Variants in ELF1 observed in about 807,000 individuals in gnomAD.
ELF1 encodes E74 like ETS transcription factor 1.
ELF1 carries 24 observed loss-of-function variants against 59.9 expected under a neutral mutation model. The ratio of observed to expected loss-of-function variants is 0.40; its 90% CI spans 0.29 to 0.56. The LOEUF (loss-of-function observed/expected upper bound fraction) is 0.56. Among genes scored for constraint, ELF1 ranks in the 20% least tolerant of loss-of-function variants. ELF1 has a pLI of 0.44. For synonymous variants in ELF1, 248 were observed against 266.2 expected, an observed-to-expected ratio of 0.93 and a Z score of 0.67; for missense variants, 627 against 742.2, an observed-to-expected ratio of 0.84 and a Z score of 1.80.
chr13:40,973,177 T>C (rs1254247116), intron 2 of ELF1, among the ~76,000 whole-genome samples: 1 of 152,236 alleles, frequency 6.6e-6, no homozygotes, highest in African/African-American at 2.4e-5. Context: ...GCTTCTTTCC[T>C]AACTTTAATC....
At chr13:40,955,468 G>A in intron 3 of ELF1, among the ~76,000 whole-genome samples, 1 of 127,292 alleles carries the variant, frequency 7.9e-6, no homozygotes, top group Non-Finnish European at 1.8e-5. Flanking sequence ...CGGGAGGTGA[G>A]GGGCGCCTCT....
chr13:41,030,063 T>A (rs1876101719), intron 1 of ELF1, among the ~76,000 whole-genome samples: 1 of 151,498 alleles, frequency 6.6e-6, no homozygotes, highest in Non-Finnish European at 1.5e-5. Flanking sequence ...ATATATATAT[T>A]TATATTTATA....
intron 1 of ELF1, among the ~76,000 whole-genome samples, chr13:41,057,923 C>G (rs1374552328): frequency 2.6e-5 from 4 of 152,210 alleles, no homozygotes; most frequent in Non-Finnish European, 5.9e-5. Context: ...TTCAACAAAG[C>G]AAGACAGATT....
chr13:40,939,348 A>G (rs1471160808), intron 8 of ELF1, among the ~76,000 whole-genome samples: 1 of 152,166 alleles, frequency 6.6e-6, no homozygotes, highest in Non-Finnish European at 1.5e-5. Context: ...AACCTACTCT[A>G]TAATATCTAC....
At chr13:41,037,734 T>G (rs1436068224) in intron 1 of ELF1, among the ~76,000 whole-genome samples, 1 of 148,836 alleles carries the variant, frequency 6.7e-6, no homozygotes, top group Admixed American at 6.7e-5. Flanking sequence ...AGGTGGAGGT[T>G]GCAGTGAGCC....
Position 40,943,103 on chromosome 13 carries a change from G to A in ELF1, c.655C>T (p.Gln219Ter). The A allele has an allele frequency of 6.4e-7, 1 of 1,570,650 alleles. No individual in the cohort carries two copies. Among genetic ancestry groups the A allele is most frequent in the Non-Finnish European group, 8.6e-7 (1 of 1,156,850 alleles). ...TATTTAGGACAAGTAGCCTTGTCCTGGAGCAGTGCCAGTAAAAACTCCCAA... is the reference window on the plus strand; with the variant it reads ...TATTTAGGACAAGTAGCCTTGTCCTAGAGCAGTGCCAGTAAAAACTCCCAA... ...YLWEFLLALL[Q>*]DKATCPKYIK... Residue 219 changes from glutamine to a stop codon, truncating the protein, a stop_gained, in exon 7 of 9, where the codon CAG becomes TAG. Coordinates refer to ENST00000239882, the MANE Select transcript of ELF1 (RefSeq NM_172373.4). LOFTEE classifies it high-confidence loss of function.
chr13:41,004,654 C>G (rs1318865887), intron 1 of ELF1, among the ~76,000 whole-genome samples: 1 of 152,014 alleles, frequency 6.6e-6, no homozygotes, highest in Non-Finnish European at 1.5e-5. Flanking sequence ...TCCTGATATA[C>G]TAATACATAA....
At chr13:40,959,320 A>C (rs563264325) in intron 2 of ELF1, among the ~76,000 whole-genome samples, 1 of 152,056 alleles carries the variant, frequency 6.6e-6, no homozygotes, top group Non-Finnish European at 1.5e-5. Flanking sequence ...ACATGGTGAA[A>C]CCCCATCTCT....
chr13:40,961,794 C>T (rs1375887831), intron 2 of ELF1, among the ~76,000 whole-genome samples: 1 of 152,160 alleles, frequency 6.6e-6, no homozygotes, highest in African/African-American at 2.4e-5. Context: ...GAATTAAGCA[C>T]TTTTATGCTG....
chr13:40,988,955 G>A (rs182938296), intron 1 of ELF1, among the ~76,000 whole-genome samples: 42 of 152,166 alleles, frequency 2.8e-4, no homozygotes, highest in African/African-American at 1.0e-3. Flanking sequence ...GCACCACCAC[G>A]TCTGACTGAT....
chr13:41,018,958 CAAAA>C (rs890774319), intron 1 of ELF1, among the ~76,000 whole-genome samples: 2 of 152,016 alleles, frequency 1.3e-5, no homozygotes, highest in Admixed American at 1.3e-4. Flanking sequence ...AATAAACAAA[CAAAA>C]AACCTCTTTT....
chr13:41,031,584 C>G (rs1378549714), intron 1 of ELF1, among the ~76,000 whole-genome samples: 2 of 152,060 alleles, frequency 1.3e-5, no homozygotes, highest in East Asian at 3.9e-4. Context: ...CTTTGGGAGG[C>G]TGAGGTGGGT....
chr13:40,946,893 G>A (rs575136451), intron 5 of ELF1, among the ~76,000 whole-genome samples: 1 of 152,264 alleles, frequency 6.6e-6, no homozygotes, highest in African/African-American at 2.4e-5. Flanking sequence ...GTTTTACATG[G>A]ATTTTTGGCT....
At chr13:40,978,221 T>C (rs1303866418) in intron 2 of ELF1, among the ~76,000 whole-genome samples, 1 of 151,684 alleles carries the variant, frequency 6.6e-6, no homozygotes, top group Admixed American at 6.6e-5. Context: ...TTACTAAAAA[T>C]ACAAAAATTA....
chr13:41,048,092 T>C (rs1876935032), intron 1 of ELF1, among the ~76,000 whole-genome samples: 1 of 152,174 alleles, frequency 6.6e-6, no homozygotes, highest in Non-Finnish European at 1.5e-5. Flanking sequence ...CAGGATATAA[T>C]CTCCTGGTGT....
At position 40,969,668 on chromosome 13, in the gene ELF1, A is replaced by G. The variant is rs550955133; in HGVS notation, c.73-10652T>C. ...TGTTATGTCAGTTTTGTAAAACTGA[A>G]TTAGGAAACTCTCTCTGAACCGAAA... On this transcript the variant is annotated intron_variant, in intron 2 of 8. Transcript: ENST00000239882. 3.3e-5 allele frequency among the ~76,000 whole-genome samples: 5 copies of G among 152,306 alleles called. No homozygotes were observed. In the South Asian group the frequency reaches 8.3e-4, roughly 25 times the overall value.
chr13:40,985,443 T>C (rs1323346514), intron 1 of ELF1, among the ~76,000 whole-genome samples: 1 of 152,318 alleles, frequency 6.6e-6, no homozygotes, highest in East Asian at 1.9e-4. Flanking sequence ...AAACTAGAAT[T>C]CTTGTTTCCT....
At chr13:40,955,724 G>A (rs1425156080) in intron 3 of ELF1, among the ~76,000 whole-genome samples, 14 of 118,658 alleles carry the variant, frequency 1.2e-4, no homozygotes, top group South Asian at 5.4e-4. Flanking sequence ...GGAGGGAGGC[G>A]GGGAGGTCAG....
At chr13:41,061,331 C>CAGGCGGG (rs1201565628) in exon 1 of ELF1, 2 of 429,156 alleles carry the variant, frequency 4.7e-6, no homozygotes, top group Non-Finnish European at 8.5e-6. Context: ...CGGGATGGCG[C>CAGGCGGG]AGGGACTTGA....
Sources: gnomAD v4.1 joint callset for allele counts (sites outside exome capture counted in the v4.1 genomes callset) on GRCh38, gnomAD v4.1.1 for gene constraint, MANE v1.5 for transcripts, NCBI Gene and HGNC (gene_info 2026-07-23, HGNC 2026-07-21) for gene names.